Variants in ZCCHC14 observed in about 807,000 individuals in gnomAD.
ZCCHC14 encodes the protein zinc finger CCHC domain-containing protein 14.
A neutral mutation model predicts 85.0 loss-of-function variants in ZCCHC14; 16 were observed. That is an observed-to-expected ratio of 0.19 (90% confidence interval 0.13 to 0.29). The LOEUF (loss-of-function observed/expected upper bound fraction) is 0.29. Ranked by LOEUF, ZCCHC14 falls within the 10% of genes least tolerant of loss-of-function variation. The pLI is 1.00. For synonymous variants in ZCCHC14, 775 were observed against 630.7 expected, an observed-to-expected ratio of 1.23 and a Z score of -3.43; for missense variants, 1,303 against 1,443.5, an observed-to-expected ratio of 0.90 and a Z score of 1.58.
Position 87,418,866 on chromosome 16 carries a change from C to T in ZCCHC14, c.1081G>A (p.Val361Met), listed in dbSNP as rs777372499. Reference protein sequence around the residue: ...GNPSLSKVGTVMGVSGRPVCG... With the variant: ...GNPSLSKVGTMMGVSGRPVCG... ...TCTCACCTTCCAGACACGCCCATCA[C>T]GGTACCTACTTTAGAAAGGGAGGGA... The change falls in exon 7 of 13, where the codon GTG becomes ATG. Residue 361 changes from valine (V) to methionine (M), a missense_variant. Physicochemically the swap from Val to Met is conservative, Grantham distance 21. This residue lies in a region of ZCCHC14 where 389 missense variants were observed against 397.8 expected (regional missense o/e 0.98). Coordinates refer to ENST00000671377, the MANE Select transcript of ZCCHC14 (RefSeq NM_015144.3). The T allele has an allele frequency of 1.6e-5, 26 of 1,613,274 alleles. No homozygotes were observed. Among genetic ancestry groups the T allele is most frequent in the African/African-American group, 5.3e-5 (4 of 74,984 alleles).
chr16:87,454,562 G>A (rs1567530883), intron 2 of ZCCHC14, among the ~76,000 whole-genome samples: 1 of 152,194 alleles, frequency 6.6e-6, no homozygotes, highest in Non-Finnish European at 1.5e-5. Context: ...GATATTTTCA[G>A]ATAAATGAAA....
intron 1 of ZCCHC14, among the ~76,000 whole-genome samples, chr16:87,482,511 T>A (rs1422329185): frequency 1.3e-5 from 2 of 152,160 alleles, no homozygotes; most frequent in South Asian, 2.1e-4. Context: ...ACAGCCATAT[T>A]TATCCCAAAC....
At chr16:87,411,108 C>CCGG (rs887282437) in intron 12 of ZCCHC14, among the ~76,000 whole-genome samples, 21 of 152,240 alleles carry the variant, frequency 1.4e-4, no homozygotes, top group Non-Finnish European at 2.4e-4. Flanking sequence ...CACAGCCGCG[C>CCGG]CGGCAGGGAG....
At chr16:87,415,621 C>T (rs1456146373) in intron 8 of ZCCHC14, among the ~76,000 whole-genome samples, 1 of 152,212 alleles carries the variant, frequency 6.6e-6, no homozygotes, top group Non-Finnish European at 1.5e-5. Context: ...TCTGTGCAGG[C>T]TGTGTGGATG....
chr16:87,465,336 AT>A (rs1911469027), intron 1 of ZCCHC14, among the ~76,000 whole-genome samples: 1 of 152,262 alleles, frequency 6.6e-6, no homozygotes. Flanking sequence ...TTTTAATGAA[AT>A]TCAGAATCAA....
intron 6 of ZCCHC14, 43 bp from the exon 7 acceptor site, chr16:87,418,944 G>GA (rs1186185624): frequency 1.3e-6 from 2 of 1,498,864 alleles, no homozygotes; most frequent in Non-Finnish European, 1.8e-6. Context: ...TACAGACAAT[G>GA]AAAATATTTG....
At chr16:87,478,372 C>G (rs78559501) in intron 1 of ZCCHC14, among the ~76,000 whole-genome samples, 2,540 of 152,150 alleles carry the variant, frequency 0.017, 25 homozygotes, top group Middle Eastern at 0.048. Context: ...TGGTGGAAAA[C>G]AATAGAAAAA....
At chr16:87,448,764 T>A (rs977065734) in intron 2 of ZCCHC14, among the ~76,000 whole-genome samples, 1 of 152,248 alleles carries the variant, frequency 6.6e-6, no homozygotes, top group Admixed American at 6.5e-5. Context: ...TTTCCCTAAG[T>A]AGGATGCTTA....
intron 9 of ZCCHC14, 44 bp from the exon 10 acceptor site, chr16:87,414,585 G>A (rs1908683817): frequency 6.3e-7 from 1 of 1,576,932 alleles, no homozygotes; most frequent in African/African-American, 1.3e-5. Flanking sequence ...ACTGCCTACT[G>A]GTGCTGCCTC....
rs185653597 is a variant in ZCCHC14, at chr16:87,459,997, C to T, written c.694+11G>A. ...GTCAGACGTCCTCCTGAAACCCGTG[C>T]GTGCACTCACCTTTGCTGTGTTTTC... On this transcript the variant is annotated intron_variant, in intron 2 of 12. Coordinates refer to ENST00000671377, the MANE Select transcript of ZCCHC14 (RefSeq NM_015144.3). 359 of 1,614,064 alleles carry T rather than the reference C, an allele frequency of 2.2e-4. 1 individual carries two copies. Among genetic ancestry groups the T allele is most frequent in the African/African-American group, 2.1e-3 (161 of 75,030 alleles).
Position 87,411,669 on chromosome 16 carries a change from C to T in ZCCHC14, c.3052G>A (p.Gly1018Arg), listed in dbSNP as rs1908446374. The T allele has an allele frequency of 1.9e-6, 3 of 1,614,092 alleles. No individual in the cohort carries two copies. The highest frequency in any genetic ancestry group is 2.2e-5 in the East Asian group (1 of 44,878). ...TGGGTCTGGTACACCCCTGCTGTCC[C>T]TGCCATGAAGTTCTGCATGGGTGGC... ...AVPPMQNFMA[G>R]TAGVYQTQGL... Residue 1018 changes from glycine (G) to arginine (R), a missense_variant, in exon 12 of 13, where the codon GGG becomes AGG. Physicochemically the swap from Gly to Arg is moderately radical, Grantham distance 125. Transcript: ENST00000671377.
chr16:87,446,013 C>G (rs960367066), intron 2 of ZCCHC14, among the ~76,000 whole-genome samples: 4 of 151,888 alleles, frequency 2.6e-5, no homozygotes, highest in African/African-American at 9.7e-5. Flanking sequence ...AAACTTTAAA[C>G]AATTTTGGCC....
intron 3 of ZCCHC14, among the ~76,000 whole-genome samples, chr16:87,428,828 C>G (rs1350603315): frequency 6.6e-6 from 1 of 152,236 alleles, no homozygotes; most frequent in Non-Finnish European, 1.5e-5. Flanking sequence ...GTTTCTTTCA[C>G]ACAACACGAG....
At chr16:87,445,344 C>T (rs969834182) in intron 2 of ZCCHC14, among the ~76,000 whole-genome samples, 4 of 152,272 alleles carry the variant, frequency 2.6e-5, no homozygotes, top group South Asian at 2.1e-4. Context: ...CGATTACAGG[C>T]GTGAGCCACT....
At chr16:87,443,903 G>A (rs1262091969) in intron 2 of ZCCHC14, among the ~76,000 whole-genome samples, 1 of 152,052 alleles carries the variant, frequency 6.6e-6, no homozygotes, top group Non-Finnish European at 1.5e-5. Flanking sequence ...TAGGTGTGAT[G>A]GCCCATGCCT....
At chr16:87,416,009 C>A (rs1373472037) in intron 8 of ZCCHC14, among the ~76,000 whole-genome samples, 1 of 152,166 alleles carries the variant, frequency 6.6e-6, no homozygotes, top group African/African-American at 2.4e-5. Context: ...TCACTGCAAC[C>A]TCCACCTCCC....
chr16:87,478,511 G>A (rs142015673), intron 1 of ZCCHC14, among the ~76,000 whole-genome samples: 2 of 152,144 alleles, frequency 1.3e-5, no homozygotes, highest in East Asian at 1.9e-4. Context: ...TGCAAGTTCT[G>A]TGAGTATCTA....
At chr16:87,454,799 G>A (rs775081862) in intron 2 of ZCCHC14, among the ~76,000 whole-genome samples, 4 of 152,178 alleles carry the variant, frequency 2.6e-5, no homozygotes, top group Non-Finnish European at 4.4e-5. Context: ...CAGAGCACAC[G>A]TAGCTGGACC....
chr16:87,471,458 C>T (rs1173635283), intron 1 of ZCCHC14: 1 of 152,272 alleles, frequency 6.6e-6, no homozygotes, highest in Non-Finnish European at 1.5e-5. Flanking sequence ...AAAAAGATTA[C>T]TGCTTAAAAT....
Sources: gnomAD v4.1 joint callset for allele counts (sites outside exome capture counted in the v4.1 genomes callset) on GRCh38, gnomAD v4.1.1 for gene constraint, gnomAD v4.1.1 regional missense constraint, MANE v1.5 for transcripts, NCBI Gene and HGNC (gene_info 2026-07-23, HGNC 2026-07-21) for gene names.